NAV2: variants seen among roughly 807,000 people sequenced by gnomAD.
NAV2 encodes helicase, APC down-regulated 1.
NAV2 carries 54 observed loss-of-function variants against 223.2 expected under a neutral mutation model. The ratio of observed to expected loss-of-function variants is 0.24; its 90% CI spans 0.19 to 0.30. The LOEUF (loss-of-function observed/expected upper bound fraction) is 0.30. NAV2 is among the 10% of genes least tolerant of loss of function. The probability of loss-of-function intolerance (pLI) is 1.00; values close to 1 mark genes in which losing one functional copy is unlikely to be tolerated. For missense variants in NAV2, 2,806 were observed against 3,147.5 expected, an observed-to-expected ratio of 0.89 and a Z score of 2.60; for synonymous variants, 1,279 against 1,239.3, an observed-to-expected ratio of 1.03 and a Z score of -0.67.
At chr11:19,398,345 A>G (rs1359002983) in intron 1 of NAV2, among the ~76,000 whole-genome samples, 1 of 152,146 alleles carries the variant, frequency 6.6e-6, no homozygotes, top group East Asian at 1.9e-4. Context: ...GAATGCATTC[A>G]TGAGCAATCA....
chr11:19,410,804 T>C (rs1462107782), intron 1 of NAV2, among the ~76,000 whole-genome samples: 3 of 152,180 alleles, frequency 2.0e-5, no homozygotes, highest in African/African-American at 7.2e-5. Context: ...TGTTTGCAGT[T>C]TTGAGCCCCT....
At position 19,626,102 on chromosome 11, in the gene NAV2, C is replaced by T. The variant is rs1434333376; in HGVS notation, c.76-206382C>T. ...GCTTTTGAGGTCTTATTCATAAAATCTTCTCCAATACCAACATCCTGAAGC... is the reference window on the plus strand; with the variant it reads ...GCTTTTGAGGTCTTATTCATAAAATTTTCTCCAATACCAACATCCTGAAGC... On this transcript the variant is annotated intron_variant, in intron 1 of 37. Transcript: ENST00000360655. Among the ~76,000 whole-genome samples, 8 of 152,322 alleles carry T rather than the reference C, an allele frequency of 5.3e-5. No homozygotes were observed. In the East Asian group the frequency reaches 1.2e-3, roughly 22 times the overall value.
In NAV2 at chr11:20,045,615, A is replaced by C. The variant is rs1189300698; in HGVS notation, c.3847A>C (p.Thr1283Pro). Residue 1283 changes from threonine (T) to proline (P), a missense_variant, in exon 14 of 38, where the codon ACC becomes CCC. Transcript: ENST00000349880. Reference protein sequence around the residue: ...AAQPVSSPAQTSLQPGAKYPD... With the variant: ...AAQPVSSPAQPSLQPGAKYPD... ...CCAGCCTGTGTCCAGTCCGGCTCAGACCAGTCTCCAGCCTGGAGCCAAGTA... is the reference window on the plus strand; with the variant it reads ...CCAGCCTGTGTCCAGTCCGGCTCAGCCCAGTCTCCAGCCTGGAGCCAAGTA... The C allele has an allele frequency of 1.2e-6, 2 of 1,614,184 alleles. No individual in the cohort carries two copies. Among genetic ancestry groups the C allele is most frequent in the East Asian group, 4.5e-5 (2 of 44,870 alleles).
At chr11:19,830,570 A>C (rs923085214) in intron 1 of NAV2, among the ~76,000 whole-genome samples, 24 of 152,194 alleles carry the variant, frequency 1.6e-4, no homozygotes, top group Non-Finnish European at 3.2e-4. Context: ...AGTGCCTGGC[A>C]TGTAGTAGGC....
chr11:19,697,648 T>G (rs1045006787), intron 1 of NAV2, among the ~76,000 whole-genome samples: 7 of 152,128 alleles, frequency 4.6e-5, no homozygotes, highest in Admixed American at 3.9e-4. Context: ...GGACCCCGAC[T>G]GGGACACTGG....
intron 7 of NAV2, 53 bp from the exon 8 acceptor site, chr11:19,939,608 A>T (rs1234197949): frequency 1.4e-6 from 2 of 1,412,136 alleles, no homozygotes; most frequent in Non-Finnish European, 2.0e-6. Context: ...AGTGGTCCAG[A>T]TGTGGTAGTT....
chr11:19,574,856 A>C (rs979206867), intron 1 of NAV2, among the ~76,000 whole-genome samples: 14 of 152,348 alleles, frequency 9.2e-5, no homozygotes, highest in African/African-American at 2.6e-4. Context: ...GTCAGGGAAG[A>C]CATCACAAAG....
At chr11:20,000,025 C>G (rs1215907440) in intron 11 of NAV2, among the ~76,000 whole-genome samples, 1 of 152,322 alleles carries the variant, frequency 6.6e-6, no homozygotes, top group East Asian at 1.9e-4. Context: ...TGCAGTGTCC[C>G]CTTCTCTTTG....
intron 1 of NAV2, among the ~76,000 whole-genome samples, chr11:19,674,676 G>T (rs559640494): frequency 3.1e-4 from 47 of 152,280 alleles, no homozygotes; most frequent in African/African-American, 1.0e-3. Context: ...TGAGCCTCAG[G>T]CTTCCTGGGC....
intron 1 of NAV2, among the ~76,000 whole-genome samples, chr11:19,421,018 G>C (rs1242154865): frequency 6.6e-6 from 1 of 152,174 alleles, no homozygotes; most frequent in Non-Finnish European, 1.5e-5. Context: ...TGAGGATGTT[G>C]CTGCCTCTGA....
chr11:19,632,944 G>T (rs1025476925), intron 1 of NAV2, among the ~76,000 whole-genome samples: 1 of 152,214 alleles, frequency 6.6e-6, no homozygotes, highest in Non-Finnish European at 1.5e-5. Flanking sequence ...GAAGCCCAAA[G>T]AGTTTGTCAC....
rs531040232 is a variant in NAV2, at chr11:19,373,375, T to G, written c.75+22348T>G. On this transcript the variant is annotated intron_variant, in intron 1 of 37. Coordinates refer to the NAV2 transcript ENST00000360655. ...GGCCTCTGCCTGCCTCTCCCCTCTCTTCTCTTTCACTCTCCCTTTGGCCAC... is the reference window on the plus strand; with the variant it reads ...GGCCTCTGCCTGCCTCTCCCCTCTCGTCTCTTTCACTCTCCCTTTGGCCAC... Among the ~76,000 whole-genome samples the G allele has an allele frequency of 7.2e-4, 109 of 152,286 alleles. 1 individual carries two copies. The highest frequency in any genetic ancestry group is 2.5e-3 in the African/African-American group (104 of 41,558).
intron 1 of NAV2, among the ~76,000 whole-genome samples, chr11:19,779,918 A>T (rs1379969626): frequency 2.6e-5 from 4 of 152,206 alleles, no homozygotes; most frequent in Admixed American, 2.6e-4. Context: ...TTGTGTGTGA[A>T]TAACTGCTCC....
chr11:19,401,334 C>T (rs756316122), intron 1 of NAV2, among the ~76,000 whole-genome samples: 1 of 152,212 alleles, frequency 6.6e-6, no homozygotes, highest in Non-Finnish European at 1.5e-5. Flanking sequence ...CCAGCAGCCA[C>T]GAATTGCCAG....
chr11:20,017,669 A>C (rs147562399), intron 11 of NAV2, among the ~76,000 whole-genome samples: 5 of 152,154 alleles, frequency 3.3e-5, no homozygotes, highest in African/African-American at 1.2e-4. Context: ...AAGGTTTTGC[A>C]TTGACTATTT....
chr11:19,428,982 C>A (rs868650766), intron 1 of NAV2, among the ~76,000 whole-genome samples: 1 of 152,174 alleles, frequency 6.6e-6, no homozygotes, highest in Admixed American at 6.5e-5. Flanking sequence ...CCAAGGAATT[C>A]AAAACTGGGT....
intron 1 of NAV2, among the ~76,000 whole-genome samples, chr11:19,456,364 T>C (rs996565688): frequency 6.6e-6 from 1 of 152,216 alleles, no homozygotes; most frequent in Non-Finnish European, 1.5e-5. Flanking sequence ...TAATGACTAT[T>C]AATAAGTAGT....
chr11:19,691,395 C>T (rs934649160), intron 1 of NAV2, among the ~76,000 whole-genome samples: 5 of 152,060 alleles, frequency 3.3e-5, no homozygotes. Context: ...CTTCCAAAAT[C>T]TTCTAAATAC....
chr11:19,848,368 G>C (rs758542388), intron 3 of NAV2, among the ~76,000 whole-genome samples: 1 of 152,244 alleles, frequency 6.6e-6, no homozygotes, highest in Non-Finnish European at 1.5e-5. Context: ...CCAGCACCTG[G>C]GGAGATGCAG....
Sources: allele counts gnomAD v4.1 joint callset (sites outside exome capture counted in the v4.1 genomes callset), GRCh38; gene constraint gnomAD v4.1.1; transcripts MANE v1.5; gene names NCBI Gene and HGNC (gene_info 2026-07-23, HGNC 2026-07-21).